MEF2C: variants seen among roughly 807,000 people sequenced by gnomAD.
The protein encoded by MEF2C is myocyte-specific enhancer factor 2C.
MEF2C carries 6 observed loss-of-function variants against 50.5 expected under a neutral mutation model. The ratio of observed to expected loss-of-function variants is 0.12; its 90% CI spans 0.07 to 0.23. The LOEUF is 0.23. MEF2C is among the 10% of genes least tolerant of loss of function. The pLI is 1.00. For synonymous variants in MEF2C, 183 were observed against 228.0 expected (o/e 0.80, Z 1.78); for missense variants, 276 against 605.0 (o/e 0.46, Z 5.70).
intron 6 of MEF2C, chr5:88,740,234 G>A (rs1391419668): frequency 2.6e-5 from 5 of 190,894 alleles, no homozygotes; most frequent in Non-Finnish European, 2.9e-5. Flanking sequence ...GCGATTTTGC[G>A]TGTGTGTGTG....
chr5:88,811,095 C>T (rs2153118697), intron 2 of MEF2C, among the ~76,000 whole-genome samples: 1 of 152,144 alleles, frequency 6.6e-6, no homozygotes, highest in Admixed American at 6.5e-5. Context: ...TCTTTGGTAG[C>T]ATATTCAGTT....
At chr5:88,770,889 T>C (rs1233953474) in intron 3 of MEF2C, among the ~76,000 whole-genome samples, 1 of 152,246 alleles carries the variant, frequency 6.6e-6, no homozygotes, top group East Asian at 1.9e-4. Context: ...CTGTGTGTAT[T>C]AGCTTGTTCT....
Position 88,729,330 on chromosome 5 carries a change from G to A in MEF2C, c.852C>T (p.Asn284=). ...TAGCCAATGACTGAGCCGACTGGGA[G>A]TTATTTATCCTTTGATTCTTTTAAA... ...VDLLLNQRIN[N]SQSAQSLATP... is the part of the protein sequence containing the mutation. The change falls in exon 9 of 11, where the codon AAC becomes AAT. Residue 284 remains asparagine, a synonymous_variant. Coordinates refer to ENST00000504921, the MANE Select transcript of MEF2C (RefSeq NM_002397.5). 1 of 1,610,672 alleles carries A rather than the reference G, an allele frequency of 6.2e-7. No homozygotes were observed. The highest frequency in any genetic ancestry group is 8.5e-7 in the Non-Finnish European group (1 of 1,178,012).
intron 6 of MEF2C, chr5:88,741,309 C>T: frequency 4.1e-6 from 4 of 984,162 alleles, no homozygotes; most frequent in Non-Finnish European, 4.8e-6. Context: ...TACTCTGGGG[C>T]AGAAACTGTG....
At chr5:88,840,632 G>GC (rs1554040661) in intron 1 of MEF2C, among the ~76,000 whole-genome samples, 1 of 150,704 alleles carries the variant, frequency 6.6e-6, no homozygotes, top group Non-Finnish European at 1.5e-5. Flanking sequence ...TAGAGAGTTT[G>GC]TTTTTTTTTC....
intron 1 of MEF2C, among the ~76,000 whole-genome samples, chr5:88,874,690 CTATT>C (rs1397579823): frequency 3.3e-5 from 5 of 151,940 alleles, no homozygotes; most frequent in Non-Finnish European, 7.4e-5. Context: ...TCATTCTTAT[CTATT>C]TAAGTTTCAA....
chr5:88,762,940 A>AG (rs1218582021), intron 3 of MEF2C, among the ~76,000 whole-genome samples: 2 of 152,210 alleles, frequency 1.3e-5, no homozygotes, highest in Non-Finnish European at 2.9e-5. Flanking sequence ...TGAGTTAAAA[A>AG]GGGGGGTGTC....
intron 1 of MEF2C, among the ~76,000 whole-genome samples, chr5:88,847,725 G>A (rs962011436): frequency 2.0e-5 from 3 of 151,970 alleles, no homozygotes; most frequent in Admixed American, 6.6e-5. Flanking sequence ...AAAAAAAAGG[G>A]AGAGAGAATA....
At chr5:88,819,996 C>G (rs1407326049) in intron 2 of MEF2C, among the ~76,000 whole-genome samples, 4 of 151,816 alleles carry the variant, frequency 2.6e-5, no homozygotes, top group Admixed American at 2.6e-4. Context: ...ACACTGCAGT[C>G]TAGTAATATT....
In MEF2C at chr5:88,779,090, TTTA is replaced by T. The variant is rs1580541216; in HGVS notation, c.259-17765_259-17763del. 1.6e-4 allele frequency among the ~76,000 whole-genome samples: 24 copies of T among 152,322 alleles called. No homozygotes were observed. In the East Asian group the frequency reaches 4.6e-3, roughly 29 times the overall value. On this transcript the variant is annotated intron_variant, in intron 3 of 10. Coordinates refer to ENST00000504921, the MANE Select transcript of MEF2C (RefSeq NM_002397.5). The stretch of plus-strand genomic sequence containing the variant: ...AAAGTTGTATAACTTTTAAAAGAAG[TTTA>T]CAATTATGATGCTTTGCTTTTCACA...
chr5:88,788,527 T>A (rs915388809), intron 3 of MEF2C, among the ~76,000 whole-genome samples: 6 of 152,098 alleles, frequency 3.9e-5, no homozygotes, highest in African/African-American at 1.4e-4. Context: ...GTTATTTGAA[T>A]GAAAGAGAAC....
intron 1 of MEF2C, among the ~76,000 whole-genome samples, chr5:88,858,112 G>C (rs1380884019): frequency 6.6e-6 from 1 of 152,136 alleles, no homozygotes; most frequent in African/African-American, 2.4e-5. Context: ...GGCATTTCTT[G>C]ATAATGAAAT....
chr5:88,781,791 G>A (rs1788192314), intron 3 of MEF2C, among the ~76,000 whole-genome samples: 2 of 152,040 alleles, frequency 1.3e-5, no homozygotes, highest in South Asian at 4.1e-4. Context: ...TGGCCAACAT[G>A]GTGAAACCCC....
intron 6 of MEF2C, chr5:88,741,663 T>A: frequency 2.1e-6 from 2 of 975,166 alleles, no homozygotes; most frequent in South Asian, 9.5e-5. Context: ...TATATTATAA[T>A]GTTCTATATT....
At position 88,719,050 on chromosome 5, in the gene MEF2C, A is replaced by G. The variant is rs1755419786; in HGVS notation, c.*3554T>C. 6.6e-6 allele frequency: 1 copy of G among 152,228 alleles called. No individual in the cohort carries two copies. The highest frequency in any genetic ancestry group is 1.5e-5 in the Non-Finnish European group (1 of 68,032). 9.4% of individuals were successfully genotyped at this position (152,228 alleles called of 1,614,324 possible). On this transcript the variant is annotated 3_prime_UTR_variant, in exon 11 of 11. Transcript: ENST00000504921. ...CTTCTTTAAAAAAAATGTTTTTTAA[A>G]GAAAGAACTACAAAGCGTTTACTCT... is the stretch of plus-strand genomic sequence containing the variant.
chr5:88,812,956 A>C (rs1157324083), intron 2 of MEF2C, among the ~76,000 whole-genome samples: 1 of 152,166 alleles, frequency 6.6e-6, no homozygotes, highest in African/African-American at 2.4e-5. Flanking sequence ...GAACCATCAG[A>C]AATTCTGATA....
intron 2 of MEF2C, chr5:88,819,400 A>C: frequency 1.0e-6 from 1 of 984,848 alleles, no homozygotes; most frequent in Non-Finnish European, 1.2e-6. Flanking sequence ...AAGCTTTGCG[A>C]TATCTGGGTC....
At chr5:88,858,549 A>G (rs1182042968) in intron 1 of MEF2C, among the ~76,000 whole-genome samples, 1 of 152,178 alleles carries the variant, frequency 6.6e-6, no homozygotes, top group Non-Finnish European at 1.5e-5. Flanking sequence ...GAAGGGAGCA[A>G]AGTGCATTTG....
chr5:88,855,993 G>A (rs1017995873), intron 1 of MEF2C, among the ~76,000 whole-genome samples: 1 of 152,200 alleles, frequency 6.6e-6, no homozygotes, highest in South Asian at 2.1e-4. Context: ...CTCTGAAGAA[G>A]ACAGATTTGG....
Sources: allele counts gnomAD v4.1 joint callset (sites outside exome capture counted in the v4.1 genomes callset), GRCh38; gene constraint gnomAD v4.1.1; transcripts MANE v1.5; gene names NCBI Gene and HGNC (gene_info 2026-07-23, HGNC 2026-07-21).